The following FBXW7 variants were observed in gnomAD, a reference collection of about 807,000 sequenced individuals.
FBXW7 encodes F-box and WD repeat domain containing 7.
A neutral mutation model predicts 86.3 loss-of-function variants in FBXW7; 11 were observed. That is an observed-to-expected ratio of 0.13 (90% confidence interval 0.08 to 0.21). The LOEUF is 0.21. FBXW7 is among the 10% of genes least tolerant of loss of function. The pLI is 1.00. For synonymous variants in FBXW7, 313 were observed against 297.9 expected (o/e 1.05, Z -0.52); for missense variants, 488 against 847.4 (o/e 0.58, Z 5.27).
intron 2 of FBXW7, among the ~76,000 whole-genome samples, chr4:152,448,687 T>G (rs1741634255): frequency 6.6e-6 from 1 of 152,124 alleles, no homozygotes; most frequent in African/African-American, 2.4e-5. Flanking sequence ...ATTCTGCAGC[T>G]CTCTGGCTGA....
At chr4:152,491,729 A>C (rs1278126652) in intron 2 of FBXW7, among the ~76,000 whole-genome samples, 1 of 152,124 alleles carries the variant, frequency 6.6e-6, no homozygotes, top group African/African-American at 2.4e-5. Flanking sequence ...CTTTATATGG[A>C]AAACTTTGAA....
chr4:152,441,608 G>C (rs1740897726), intron 2 of FBXW7, among the ~76,000 whole-genome samples: 1 of 152,160 alleles, frequency 6.6e-6, no homozygotes, highest in Non-Finnish European at 1.5e-5. Flanking sequence ...AAAGGAGGAA[G>C]CAACAATCAG....
intron 2 of FBXW7, among the ~76,000 whole-genome samples, chr4:152,491,956 T>C (rs1377528840): frequency 1.3e-5 from 2 of 152,190 alleles, no homozygotes; most frequent in South Asian, 2.1e-4. Flanking sequence ...ACAACTTTAA[T>C]AGATAAGCCC....
rs370672594 is a variant in FBXW7 at position 152,336,912 on chromosome 4, T to G, written c.861+890A>C. 2.9e-4 allele frequency among the ~76,000 whole-genome samples: 44 copies of G among 152,172 alleles called. No individual in the cohort carries two copies. The South Asian group carries it at 9.1e-3, about 32-fold the overall frequency. On this transcript the variant is annotated intron_variant, in intron 7 of 13. Transcript: ENST00000281708. ...AAAATGACTTTTTTCTGTTCAAATT[T>G]GAAGTTTCAGGATCATTTGAAATGG... is the stretch of plus-strand genomic sequence containing the variant.
At chr4:152,334,818 C>T (rs2126563843) in intron 7 of FBXW7, among the ~76,000 whole-genome samples, 1 of 152,314 alleles carries the variant, frequency 6.6e-6, no homozygotes, top group South Asian at 2.1e-4. Context: ...AAGATACTAA[C>T]TCAACCAAGA....
At chr4:152,334,750 A>G (rs1322816982) in intron 7 of FBXW7, among the ~76,000 whole-genome samples, 1 of 152,190 alleles carries the variant, frequency 6.6e-6, no homozygotes, top group Non-Finnish European at 1.5e-5. Flanking sequence ...CTAAGGCGCT[A>G]AAGAAAGTTG....
chr4:152,458,299 G>C (rs997709772), intron 2 of FBXW7, among the ~76,000 whole-genome samples: 2 of 152,192 alleles, frequency 1.3e-5, no homozygotes, highest in Non-Finnish European at 2.9e-5. Context: ...GATTACAGGC[G>C]TGAGCCACCG....
At chr4:152,439,970 A>G (rs1579204464) in intron 2 of FBXW7, among the ~76,000 whole-genome samples, 1 of 152,210 alleles carries the variant, frequency 6.6e-6, no homozygotes, top group Admixed American at 6.5e-5. Context: ...TCTGCACTAA[A>G]AGATTAAATT....
At chr4:152,382,145 T>C in intron 4 of FBXW7, 1 of 1,419,778 alleles carries the variant, frequency 7.0e-7, no homozygotes, top group Non-Finnish European at 9.5e-7. Flanking sequence ...CCAAGGTACT[T>C]CACTTAAATA....
intron 2 of FBXW7, among the ~76,000 whole-genome samples, chr4:152,471,206 T>C (rs1273017582): frequency 2.6e-5 from 4 of 151,586 alleles, no homozygotes; most frequent in Admixed American, 1.3e-4. Flanking sequence ...AAATAAGATA[T>C]ATTAGAGACC....
At chr4:152,356,810 T>C (rs1356741526) in intron 4 of FBXW7, among the ~76,000 whole-genome samples, 1 of 152,228 alleles carries the variant, frequency 6.6e-6, no homozygotes, top group African/African-American at 2.4e-5. Context: ...AGCATTTACA[T>C]TTTCACTAAC....
chr4:152,495,884 G>A lies in FBXW7; in HGVS notation c.-120+39057C>T, dbSNP rs553509574. ...TATCCAAGAGAATCTATCATTAGAA[G>A]TAAGAGTTTAGGCCAGGTGCAATGG... On this transcript the variant is annotated intron_variant, in intron 2 of 13. Transcript: ENST00000281708. Among the ~76,000 whole-genome samples the A allele has an allele frequency of 1.2e-3, 190 of 152,320 alleles. 1 individual carries two copies. The highest frequency in any genetic ancestry group is 4.2e-3 in the African/African-American group (176 of 41,572).
rs138903324 is a variant in FBXW7 at position 152,361,702 on chromosome 4, A to T, written c.502-11578T>A. On this transcript the variant is annotated intron_variant, in intron 4 of 13. Coordinates refer to ENST00000281708, the MANE Select transcript of FBXW7 (RefSeq NM_001349798.2). ...GTTTGAAAACTAACTTTTGACAGGC[A>T]TGGTGGCTCACACCTGTAATCCCAG... is the stretch of plus-strand genomic sequence containing the variant. Among the ~76,000 whole-genome samples, 530 of 152,284 alleles carry T rather than the reference A, an allele frequency of 3.5e-3. 1 individual carries two copies. The highest frequency in any genetic ancestry group is 0.014 in the Middle Eastern group (4 of 294).
intron 2 of FBXW7, among the ~76,000 whole-genome samples, chr4:152,528,161 CACAG>C (rs1314150013): frequency 1.3e-5 from 2 of 152,054 alleles, no homozygotes; most frequent in African/African-American, 4.8e-5. Context: ...GGTACAGGTA[CACAG>C]ACAGACAGAA....
At chr4:152,413,010 G>A (rs1702666720) in intron 2 of FBXW7, among the ~76,000 whole-genome samples, 1 of 151,842 alleles carries the variant, frequency 6.6e-6, no homozygotes, top group African/African-American at 2.4e-5. Flanking sequence ...GTATCTATAT[G>A]GACATCTTTG....
intron 4 of FBXW7, among the ~76,000 whole-genome samples, chr4:152,410,361 G>A (rs1737834161): frequency 6.6e-6 from 1 of 152,146 alleles, no homozygotes; most frequent in African/African-American, 2.4e-5. Flanking sequence ...GTTGTTAGTG[G>A]TAGAGCCATC....
intron 2 of FBXW7, among the ~76,000 whole-genome samples, chr4:152,508,891 G>A (rs947233244): frequency 2.6e-5 from 4 of 152,104 alleles, no homozygotes; most frequent in African/African-American, 7.2e-5. Flanking sequence ...CTGAAAATTA[G>A]TATCACTGAT....
chr4:152,429,683 T>A (rs907881291), intron 2 of FBXW7, among the ~76,000 whole-genome samples: 4 of 152,126 alleles, frequency 2.6e-5, no homozygotes, highest in African/African-American at 4.8e-5. Flanking sequence ...TAACTATAAA[T>A]CTTTGGGCAA....
intron 4 of FBXW7, among the ~76,000 whole-genome samples, chr4:152,387,632 C>T (rs1320275779): frequency 7.1e-6 from 1 of 141,536 alleles, no homozygotes. Flanking sequence ...AAACATCCAG[C>T]AAGCAACATA....
Sources: gnomAD v4.1 joint callset for allele counts (sites outside exome capture counted in the v4.1 genomes callset) on GRCh38, gnomAD v4.1.1 for gene constraint, MANE v1.5 for transcripts, NCBI Gene and HGNC (gene_info 2026-07-23, HGNC 2026-07-21) for gene names.